The following DLGAP2 variants were observed in gnomAD, a reference collection of about 807,000 sequenced individuals.
DLGAP2 encodes the protein DLG associated protein 2.
DLGAP2 carries 26 observed loss-of-function variants against 100.3 expected under a neutral mutation model. That is an observed-to-expected ratio of 0.26 (90% CI 0.19 to 0.36). The LOEUF (loss-of-function observed/expected upper bound fraction) is 0.36, where lower values mean the gene tolerates loss of function less well. Ranked by LOEUF, DLGAP2 falls within the 10% of genes least tolerant of loss-of-function variation. The pLI, the probability that DLGAP2 is intolerant of heterozygous loss-of-function variation, is 1.00. For synonymous variants in DLGAP2, 886 were observed against 630.1 expected (o/e 1.41, Z -6.08); for missense variants, 1,858 against 1,453.2 (o/e 1.28, Z -4.53).
intron 2 of DLGAP2, among the ~76,000 whole-genome samples, chr8:989,404 C>G (rs77316601): frequency 0.066 from 10,037 of 152,250 alleles, 467 homozygotes; most frequent in Admixed American, 0.13. Flanking sequence ...TTGCTTGCAC[C>G]TGAATCGGCC....
intron 3 of DLGAP2, among the ~76,000 whole-genome samples, chr8:1,331,370 C>A (rs1229990870): frequency 6.6e-6 from 1 of 151,924 alleles, no homozygotes; most frequent in Non-Finnish European, 1.5e-5. Context: ...GGCTAGTGGG[C>A]AGGTCGCTGG....
At chr8:1,481,478 T>TTTC (rs1799094094) in intron 3 of DLGAP2, among the ~76,000 whole-genome samples, 1 of 131,318 alleles carries the variant, frequency 7.6e-6, no homozygotes, top group Admixed American at 7.9e-5. Context: ...TTTCTTTTTT[T>TTTC]TTTTTTTTTT....
At chr8:962,662 G>T (rs982224895) in intron 2 of DLGAP2, among the ~76,000 whole-genome samples, 2 of 152,110 alleles carry the variant, frequency 1.3e-5, no homozygotes, top group African/African-American at 4.8e-5. Context: ...GCTCCGCTTG[G>T]TATTCCCGGC....
chr8:1,425,295 A>T (rs1358731326), intron 3 of DLGAP2, among the ~76,000 whole-genome samples: 1 of 152,148 alleles, frequency 6.6e-6, no homozygotes, highest in African/African-American at 2.4e-5. Flanking sequence ...GCCCATGGTA[A>T]ATGGGGGGTT....
chr8:1,020,386 A>G (rs897961358), intron 2 of DLGAP2, among the ~76,000 whole-genome samples: 1 of 152,196 alleles, frequency 6.6e-6, no homozygotes, highest in Non-Finnish European at 1.5e-5. Flanking sequence ...GTTGATTCCT[A>G]TCTCTAATCC....
At chr8:919,599 G>C (rs1419396802) in intron 2 of DLGAP2, among the ~76,000 whole-genome samples, 1 of 152,236 alleles carries the variant, frequency 6.6e-6, no homozygotes, top group Non-Finnish European at 1.5e-5. Flanking sequence ...CTGAGAATAG[G>C]AGAGGCTGCG....
intron 5 of DLGAP2, among the ~76,000 whole-genome samples, chr8:1,557,393 C>A (rs1275204415): frequency 6.6e-6 from 1 of 152,134 alleles, no homozygotes; most frequent in Admixed American, 6.5e-5. Flanking sequence ...GTGCCGATGG[C>A]CACGGGTGTC....
intron 6 of DLGAP2, among the ~76,000 whole-genome samples, chr8:1,596,520 C>T (rs114204148): frequency 6.6e-6 from 1 of 152,280 alleles, no homozygotes; most frequent in African/African-American, 2.4e-5. Flanking sequence ...TTTTCCTTAT[C>T]ATCTCCAACA....
intron 4 of DLGAP2, among the ~76,000 whole-genome samples, chr8:1,516,290 C>T (rs1350556870): frequency 6.7e-6 from 1 of 149,890 alleles, no homozygotes; most frequent in Non-Finnish European, 1.5e-5. Context: ...TGAATGAGTG[C>T]ATGAATGAGT....
chr8:740,366 A>G (rs1354642621), intron 1 of DLGAP2: 3 of 152,170 alleles, frequency 2.0e-5, no homozygotes, highest in Non-Finnish European at 4.4e-5. Context: ...ACATGTATTT[A>G]TTTACCAACT....
chr8:1,507,638 G>A (rs2130354668), intron 4 of DLGAP2, among the ~76,000 whole-genome samples: 1 of 152,308 alleles, frequency 6.6e-6, no homozygotes, highest in South Asian at 2.1e-4. Flanking sequence ...GGGAGTGAGT[G>A]AGGGCTGCCA....
intron 12 of DLGAP2, among the ~76,000 whole-genome samples, chr8:1,689,343 G>A (rs990542255): frequency 1.3e-5 from 2 of 152,208 alleles, no homozygotes; most frequent in African/African-American, 4.8e-5. Flanking sequence ...TGAGCTCCAA[G>A]CACCTGCATG....
At chr8:1,422,219 G>A (rs1584883675) in intron 3 of DLGAP2, among the ~76,000 whole-genome samples, 2 of 152,276 alleles carry the variant, frequency 1.3e-5, no homozygotes, top group Non-Finnish European at 2.9e-5. Context: ...AGACCCTCCT[G>A]AAGGGTATTT....
chr8:1,433,603 G>T (rs1449037786), intron 3 of DLGAP2, among the ~76,000 whole-genome samples: 1 of 147,712 alleles, frequency 6.8e-6, no homozygotes, highest in Non-Finnish European at 1.5e-5. Flanking sequence ...CGGACACTGG[G>T]CAGCCAACGC....
chr8:861,105 C>T (rs1797381133), intron 1 of DLGAP2, among the ~76,000 whole-genome samples: 3 of 151,996 alleles, frequency 2.0e-5, no homozygotes, highest in South Asian at 2.1e-4. Flanking sequence ...GGGAGGCAGC[C>T]GGGACCGGGT....
chr8:832,893 G>A (rs1161595779), intron 1 of DLGAP2, among the ~76,000 whole-genome samples: 1 of 152,160 alleles, frequency 6.6e-6, no homozygotes, highest in East Asian at 1.9e-4. Context: ...CATGGGGTGG[G>A]CTCTTCCTCT....
chr8:1,169,366 C>G (rs1797081850), intron 2 of DLGAP2, among the ~76,000 whole-genome samples: 1 of 152,122 alleles, frequency 6.6e-6, no homozygotes, highest in African/African-American at 2.4e-5. Context: ...GCGATGCGGG[C>G]TCTTTCTTGG....
At chr8:822,013 A>C (rs1243357851) in intron 1 of DLGAP2, 3 of 397,410 alleles carry the variant, frequency 7.5e-6, no homozygotes, top group Non-Finnish European at 1.3e-5. Flanking sequence ...TTTAATGTAC[A>C]TTCCATTTTT....
intron 3 of DLGAP2, among the ~76,000 whole-genome samples, chr8:1,491,170 T>G (rs1233857283): frequency 6.6e-6 from 1 of 150,876 alleles, no homozygotes; most frequent in East Asian, 1.9e-4. Context: ...AGGTTTGCAT[T>G]TCACAAAAAC....
Sources: gnomAD v4.1 joint callset for allele counts (sites outside exome capture counted in the v4.1 genomes callset) on GRCh38, gnomAD v4.1.1 for gene constraint, MANE v1.5 for transcripts, NCBI Gene and HGNC (gene_info 2026-07-23, HGNC 2026-07-21) for gene names.